The following ANKS1B variants were observed in gnomAD, a reference collection of about 807,000 sequenced individuals.
ANKS1B encodes the protein ankyrin repeat and sterile alpha motif domain containing 1B.
ANKS1B carries 36 observed loss-of-function variants against 148.3 expected under a neutral mutation model. The observed-to-expected ratio is 0.24, with a 90% confidence interval of 0.19 to 0.32. ANKS1B has a LOEUF of 0.32. Ranked by LOEUF, ANKS1B falls within the 10% of genes least tolerant of loss-of-function variation. The probability of loss-of-function intolerance (pLI) is 1.00; values close to 1 mark genes in which losing one functional copy is unlikely to be tolerated. For synonymous variants in ANKS1B, 542 were observed against 560.8 expected, an observed-to-expected ratio of 0.97 and a Z score of 0.47; for missense variants, 1,157 against 1,542.6, an observed-to-expected ratio of 0.75 and a Z score of 4.19.
At chr12:99,683,728 A>T (rs1233305145) in intron 8 of ANKS1B, among the ~76,000 whole-genome samples, 2 of 152,210 alleles carry the variant, frequency 1.3e-5, no homozygotes, top group Non-Finnish European at 2.9e-5. Flanking sequence ...AATCCTCAAC[A>T]AAATACTAGT....
At chr12:99,049,705 A>G (rs765437581) in intron 17 of ANKS1B, among the ~76,000 whole-genome samples, 5 of 152,240 alleles carry the variant, frequency 3.3e-5, no homozygotes, top group Non-Finnish European at 7.3e-5. Flanking sequence ...ATGATTTTCT[A>G]ATCAATTTAC....
At chr12:99,509,741 T>A (rs2096745463) in intron 9 of ANKS1B, among the ~76,000 whole-genome samples, 1 of 151,982 alleles carries the variant, frequency 6.6e-6, no homozygotes, top group Admixed American at 6.6e-5. Context: ...TTGATGAAGG[T>A]GACTACACTA....
chr12:99,507,664 G>T (rs2096724862), intron 9 of ANKS1B, among the ~76,000 whole-genome samples: 1 of 151,842 alleles, frequency 6.6e-6, no homozygotes, highest in South Asian at 2.1e-4. Context: ...GTAGAACCTG[G>T]CTTCCTTAGG....
chr12:99,572,284 AT>A (rs1210795457), intron 9 of ANKS1B, among the ~76,000 whole-genome samples: 6 of 152,272 alleles, frequency 3.9e-5, no homozygotes, highest in African/African-American at 1.4e-4. Flanking sequence ...ACAATAAAAA[AT>A]TTAAAATTTT....
At chr12:99,243,341 C>T (rs985822971) in intron 14 of ANKS1B, among the ~76,000 whole-genome samples, 2 of 152,156 alleles carry the variant, frequency 1.3e-5, no homozygotes, top group African/African-American at 4.8e-5. Context: ...CATCTCAAGC[C>T]AGTTAGAATG....
chr12:99,525,083 A>G (rs1277186911), intron 9 of ANKS1B, among the ~76,000 whole-genome samples: 3 of 150,900 alleles, frequency 2.0e-5, no homozygotes, highest in African/African-American at 7.4e-5. Context: ...GGACCTCCAG[A>G]ACTGAAGAAT....
intron 17 of ANKS1B, among the ~76,000 whole-genome samples, chr12:98,834,606 GC>G (rs2099351583): frequency 6.6e-6 from 1 of 152,112 alleles, no homozygotes; most frequent in South Asian, 2.1e-4. Context: ...CACTCACACA[GC>G]CCTATGTTAG....
At chr12:99,332,146 C>A (rs1002436229) in intron 12 of ANKS1B, among the ~76,000 whole-genome samples, 10 of 151,902 alleles carry the variant, frequency 6.6e-5, no homozygotes, top group Admixed American at 2.0e-4. Context: ...GTCTGAGGAC[C>A]AGCAGCATTG....
intron 12 of ANKS1B, among the ~76,000 whole-genome samples, chr12:99,319,376 T>C (rs1357045463): frequency 6.6e-6 from 1 of 152,242 alleles, no homozygotes; most frequent in Non-Finnish European, 1.5e-5. Flanking sequence ...CATATATATT[T>C]AGGATAGTTA....
At chr12:98,839,437 C>T (rs549584088) in intron 17 of ANKS1B, among the ~76,000 whole-genome samples, 10 of 152,046 alleles carry the variant, frequency 6.6e-5, no homozygotes, top group Admixed American at 3.3e-4. Flanking sequence ...TAAATATATA[C>T]GTCTACACAG....
At chr12:98,742,944 A>AAT (rs1187592146), downstream of ANKS1B, among the ~76,000 whole-genome samples, 29 of 152,324 alleles carry the variant, frequency 1.9e-4, no homozygotes, top group East Asian at 5.2e-3. Context: ...TATTTCAAAA[A>AAT]ATGTGTTTCG....
At position 99,964,534 on chromosome 12, in the gene ANKS1B, T is replaced by C. The variant is rs183380854; in HGVS notation, c.134+19570A>G. Among the ~76,000 whole-genome samples, 9 of 152,282 alleles carry C rather than the reference T, an allele frequency of 5.9e-5. No individual in the cohort carries two copies. The East Asian group carries it at 1.5e-3, about 26-fold the overall frequency. On this transcript the variant is annotated intron_variant, in intron 1 of 26. Coordinates refer to ENST00000683438, the MANE Select transcript of ANKS1B (RefSeq NM_001352186.2). ...TGGAAAGGTAGGAGGTGTGTCCATATTGGGGCAGGCCTAGTGTGGCGTACC... is the reference window on the plus strand; with the variant it reads ...TGGAAAGGTAGGAGGTGTGTCCATACTGGGGCAGGCCTAGTGTGGCGTACC...
intron 15 of ANKS1B, among the ~76,000 whole-genome samples, chr12:99,101,274 G>C (rs1473458686): frequency 6.6e-6 from 1 of 152,168 alleles, no homozygotes; most frequent in Admixed American, 6.5e-5. Context: ...CTGAAGTGTG[G>C]ATTTGAAGGG....
chr12:99,981,380 T>C (rs2095700385), intron 1 of ANKS1B, among the ~76,000 whole-genome samples: 1 of 152,082 alleles, frequency 6.6e-6, no homozygotes, highest in South Asian at 2.1e-4. Flanking sequence ...GAAAGGATAA[T>C]TTCTTATTAC....
At chr12:99,982,300 G>C (rs868253030) in intron 1 of ANKS1B, among the ~76,000 whole-genome samples, 70 of 149,142 alleles carry the variant, frequency 4.7e-4, no homozygotes, top group African/African-American at 1.6e-3. Context: ...TAAATACTTG[G>C]TGTTTTATCC....
At chr12:99,406,498 T>C (rs1769223015) in intron 11 of ANKS1B, among the ~76,000 whole-genome samples, 1 of 145,050 alleles carries the variant, frequency 6.9e-6, no homozygotes, top group South Asian at 2.1e-4. Flanking sequence ...AAAGACAACA[T>C]AGCAAAACCT....
At chr12:99,768,825 GAAAAAA>G (rs71088151) in intron 8 of ANKS1B, among the ~76,000 whole-genome samples, 2 of 69,404 alleles carry the variant, frequency 2.9e-5, no homozygotes, top group African/African-American at 5.8e-5. Flanking sequence ...CTCCGTCTCA[GAAAAAA>G]AAAAAAAAAA....
chr12:99,780,684 CAT>C (rs1177182976), intron 5 of ANKS1B, among the ~76,000 whole-genome samples: 1 of 152,112 alleles, frequency 6.6e-6, no homozygotes, highest in Non-Finnish European at 1.5e-5. Context: ...GTATAATGGT[CAT>C]GTGATTTATA....
At chr12:99,963,516 T>C (rs1030453419) in intron 1 of ANKS1B, among the ~76,000 whole-genome samples, 1 of 152,246 alleles carries the variant, frequency 6.6e-6, no homozygotes, top group Non-Finnish European at 1.5e-5. Context: ...CAAAGCTGAA[T>C]GATCTTTTAA....
Sources: gnomAD v4.1 joint callset for allele counts (sites outside exome capture counted in the v4.1 genomes callset) on GRCh38, gnomAD v4.1.1 for gene constraint, MANE v1.5 for transcripts, NCBI Gene and HGNC (gene_info 2026-07-23, HGNC 2026-07-21) for gene names.